The following MCF2L2 variants were observed in gnomAD, a reference collection of about 807,000 sequenced individuals.
The protein encoded by MCF2L2 is MCF.2 cell line derived transforming sequence-like 2, also known as probable guanine nucleotide exchange factor MCF2L2.
Under a neutral mutation model 150.2 loss-of-function variants are expected in MCF2L2, and 102 were observed. The ratio of observed to expected loss-of-function variants is 0.68; its 90% CI spans 0.58 to 0.80. The LOEUF (loss-of-function observed/expected upper bound fraction) is 0.80, where lower values mean the gene tolerates loss of function less well. Ranked by LOEUF, MCF2L2 falls within the 30% of genes least tolerant of loss-of-function variation. MCF2L2 has a pLI of 0.00. For missense variants in MCF2L2, 1,256 were observed against 1,372.8 expected (o/e 0.91, Z 1.34); for synonymous variants, 465 against 491.3 (o/e 0.95, Z 0.71).
At chr3:183,208,344 T>A (rs192551236) in intron 22 of MCF2L2, among the ~76,000 whole-genome samples, 4 of 152,364 alleles carry the variant, frequency 2.6e-5, no homozygotes, top group Admixed American at 2.6e-4. Flanking sequence ...AAGTTTACTG[T>A]GATCTAATCT....
intron 3 of MCF2L2, among the ~76,000 whole-genome samples, chr3:183,350,065 G>A (rs1731051850): frequency 6.6e-6 from 1 of 152,168 alleles, no homozygotes. Flanking sequence ...GAGGGCAAAT[G>A]TTCCTCAGAA....
At chr3:183,311,120 G>C (rs775311357) in intron 8 of MCF2L2, 91 bp from the exon 9 acceptor site, 1 of 702,044 alleles carries the variant, frequency 1.4e-6, no homozygotes, top group East Asian at 2.7e-5. Flanking sequence ...CTGTGTCTTC[G>C]GTCAGTGGTG....
At chr3:183,347,370 T>G (rs753692832) in intron 3 of MCF2L2, among the ~76,000 whole-genome samples, 6 of 152,146 alleles carry the variant, frequency 3.9e-5, no homozygotes, top group Non-Finnish European at 7.4e-5. Flanking sequence ...AAACTGAAAC[T>G]GGACCCCTTC....
chr3:183,332,503 T>C (rs1730313256), intron 5 of MCF2L2, among the ~76,000 whole-genome samples: 1 of 151,374 alleles, frequency 6.6e-6, no homozygotes, highest in Non-Finnish European at 1.5e-5. Flanking sequence ...AAGGAGGGCA[T>C]AAGTCACAAA....
chr3:183,207,534 T>C (rs1306697339), intron 23 of MCF2L2, 74 bp downstream of exon 23: 15 of 1,164,436 alleles, frequency 1.3e-5, no homozygotes, highest in Non-Finnish European at 1.9e-5. Context: ...AGCTTCCTCA[T>C]CTGTAAAATA....
intron 25 of MCF2L2, among the ~76,000 whole-genome samples, chr3:183,202,863 G>T (rs1722338787): frequency 6.6e-6 from 1 of 152,124 alleles, no homozygotes; most frequent in South Asian, 2.1e-4. Context: ...GACATGTAAA[G>T]AAATAAGAAA....
intron 25 of MCF2L2, among the ~76,000 whole-genome samples, chr3:183,195,644 G>A (rs939011377): frequency 2.6e-5 from 4 of 152,164 alleles, no homozygotes; most frequent in African/African-American, 4.8e-5. Context: ...CTGGGAGAGC[G>A]ATAAGAATCA....
At chr3:183,406,007 C>T (rs1715022278) in intron 1 of MCF2L2, among the ~76,000 whole-genome samples, 1 of 152,208 alleles carries the variant, frequency 6.6e-6, no homozygotes, top group Non-Finnish European at 1.5e-5. Flanking sequence ...TGAGCCACCA[C>T]CACACCTGGC....
At chr3:183,185,061 G>GCA (rs1721649607) in intron 27 of MCF2L2, among the ~76,000 whole-genome samples, 1 of 152,100 alleles carries the variant, frequency 6.6e-6, no homozygotes, top group Non-Finnish European at 1.5e-5. Context: ...GGGACTACAG[G>GCA]CGCATGCCAC....
Position 183,224,196 on chromosome 3 carries a change from T to TG in MCF2L2, c.2116-7dup. On this transcript the variant is annotated splice_polypyrimidine_tract_variant and splice_region_variant and intron_variant, in intron 18 of 29. Coordinates refer to ENST00000328913, the MANE Select transcript of MCF2L2 (RefSeq NM_015078.4). ...TATATCTGAAGATCTTCTTTCTAGG[T>TG]GGGAAAAAATTAGAATAAATTAATC... 1 of 1,587,612 alleles carries TG rather than the reference T, an allele frequency of 6.3e-7. No homozygotes were observed. The highest frequency in any genetic ancestry group is 8.6e-7 in the Non-Finnish European group (1 of 1,156,386).
intron 1 of MCF2L2, among the ~76,000 whole-genome samples, chr3:183,396,399 G>GT (rs1324447045): frequency 3.9e-5 from 6 of 152,102 alleles, no homozygotes; most frequent in Non-Finnish European, 7.4e-5. Flanking sequence ...AGATTCTTTG[G>GT]TAATGACATA....
chr3:183,378,954 G>T (rs540151580), intron 3 of MCF2L2: 22 of 176,794 alleles, frequency 1.2e-4, no homozygotes, highest in Non-Finnish European at 2.5e-4. Context: ...TCCACCCTGG[G>T]CAACAGAGCA....
chr3:183,343,617 A>C (rs1730785531), intron 3 of MCF2L2, among the ~76,000 whole-genome samples: 1 of 151,992 alleles, frequency 6.6e-6, no homozygotes, highest in Non-Finnish European at 1.5e-5. Flanking sequence ...CGATCCACCC[A>C]CCTCAATCCC....
In MCF2L2 at chr3:183,283,075, G is replaced by A. The variant is rs1363225099; in HGVS notation, c.1776+6045C>T. Among the ~76,000 whole-genome samples, 4 of 152,146 alleles carry A rather than the reference G, an allele frequency of 2.6e-5. No homozygotes were observed. The highest frequency in any genetic ancestry group is 5.9e-5 in the Non-Finnish European group (4 of 68,030). Reference sequence around the variant, plus strand: ...GATGGAAACGTCAAAACTATCTTTGGTATCATGCTTCCTCCCCCTACCTTC... The same window carrying A: ...GATGGAAACGTCAAAACTATCTTTGATATCATGCTTCCTCCCCCTACCTTC... On this transcript the variant is annotated intron_variant, in intron 14 of 29. Transcript: ENST00000328913. The surrounding 1 kb of genome is among the most constrained non-coding windows in gnomAD (Gnocchi z 4.2).
At chr3:183,370,025 G>T (rs1336128938) in intron 3 of MCF2L2, among the ~76,000 whole-genome samples, 1 of 152,160 alleles carries the variant, frequency 6.6e-6, no homozygotes, top group Non-Finnish European at 1.5e-5. Context: ...GCTTGTTATG[G>T]TATGTGGCTA....
intron 3 of MCF2L2, among the ~76,000 whole-genome samples, chr3:183,343,895 G>T (rs1252215497): frequency 5.9e-5 from 9 of 152,212 alleles, no homozygotes; most frequent in African/African-American, 2.2e-4. Context: ...TATTAGCCAG[G>T]TGCAGTGGCT....
At chr3:183,340,241 C>T (rs1028171832) in intron 4 of MCF2L2, among the ~76,000 whole-genome samples, 6 of 152,232 alleles carry the variant, frequency 3.9e-5, no homozygotes, top group East Asian at 1.9e-4. Context: ...GGCTCTAGAG[C>T]GATCTGAGAG....
chr3:183,259,772 G>T (rs1024067875), intron 15 of MCF2L2, among the ~76,000 whole-genome samples: 3 of 151,994 alleles, frequency 2.0e-5, no homozygotes, highest in African/African-American at 7.3e-5. Context: ...TTTTGTGGTT[G>T]AAAGACTACA....
intron 1 of MCF2L2, among the ~76,000 whole-genome samples, chr3:183,423,680 C>G (rs1045803898): frequency 1.4e-5 from 2 of 145,194 alleles, no homozygotes; most frequent in Non-Finnish European, 3.0e-5. Flanking sequence ...GCTCTGTCAC[C>G]CAGGCTGGAG....
Sources: allele counts gnomAD v4.1 joint callset (sites outside exome capture counted in the v4.1 genomes callset), GRCh38; gene constraint gnomAD v4.1.1; non-coding constraint Gnocchi (gnomAD v3.1); transcripts MANE v1.5; gene names NCBI Gene and HGNC (gene_info 2026-07-23, HGNC 2026-07-21).